The following BBS9 variants were observed in gnomAD, a reference collection of about 807,000 sequenced individuals.
BBS9 encodes the protein Bardet-Biedl syndrome 9.
In BBS9, 89 loss-of-function variants were observed where a neutral mutation model predicts 117.7. The observed-to-expected ratio is 0.76, with a 90% CI of 0.64 to 0.90. The LOEUF (loss-of-function observed/expected upper bound fraction) is 0.90, where lower values mean the gene tolerates loss of function less well. Among genes scored for constraint, BBS9 ranks in the 40% least tolerant of loss-of-function variants. The probability of loss-of-function intolerance (pLI) is 0.00; values close to 1 mark genes in which losing one functional copy is unlikely to be tolerated. For synonymous variants in BBS9, 379 were observed against 370.9 expected (o/e 1.02, Z -0.25); for missense variants, 982 against 1,042.2 (o/e 0.94, Z 0.80).
chr7:33,268,430 C>T (rs1799183195), intron 7 of BBS9, among the ~76,000 whole-genome samples: 1 of 152,198 alleles, frequency 6.6e-6, no homozygotes, highest in South Asian at 2.1e-4. Flanking sequence ...TTCTTCTTCC[C>T]TGCACTATGG....
chr7:33,246,774 G>C (rs1795399860), intron 5 of BBS9, among the ~76,000 whole-genome samples: 1 of 152,006 alleles, frequency 6.6e-6, no homozygotes, highest in African/African-American at 2.4e-5. Flanking sequence ...TGGGGTGGGG[G>C]AAGGGAGAGA....
At chr7:33,431,625 G>A (rs1257720422) in intron 19 of BBS9, among the ~76,000 whole-genome samples, 1 of 152,174 alleles carries the variant, frequency 6.6e-6, no homozygotes, top group East Asian at 1.9e-4. Context: ...ACTAGAAATA[G>A]GGCTGTCATC....
In BBS9 at chr7:33,406,091, C is replaced by T. The variant is rs561520038; in HGVS notation, c.2115+17947C>T. 7.0e-4 allele frequency among the ~76,000 whole-genome samples: 107 copies of T among 152,178 alleles called. 1 individual carries two copies. The South Asian group carries it at 0.016, about 23-fold the overall frequency. ...AAGAACTTTATTTCTGCCTTCATTT[C>T]GTTATGTACCCAGTAGTCATTCAGG... On this transcript the variant is annotated intron_variant, in intron 19 of 22. Coordinates refer to ENST00000242067, the MANE Select transcript of BBS9 (RefSeq NM_198428.3).
Position 33,177,475 on chromosome 7 carries a change from T to TTTTTTA in BBS9, c.329-3_329-2insTTTTTA. ...AAAGTAATCCTTTTTTTTTTTTCCT[T>TTTTTTA]AGGAACCTTGGGTAATGTGGAACAT... is the stretch of plus-strand genomic sequence containing the variant. On this transcript the variant is annotated splice_polypyrimidine_tract_variant and splice_region_variant and intron_variant, in intron 4 of 22. Transcript: ENST00000242067. 1.3e-6 allele frequency: 2 copies of TTTTTTA among 1,596,952 alleles called. No individual in the cohort carries two copies. The highest frequency in any genetic ancestry group is 1.7e-6 in the Non-Finnish European group (2 of 1,166,196).
intron 9 of BBS9, among the ~76,000 whole-genome samples, chr7:33,303,401 T>C (rs1806917254): frequency 6.6e-6 from 1 of 152,186 alleles, no homozygotes; most frequent in Non-Finnish European, 1.5e-5. Context: ...GGGTCTGTCA[T>C]ATATGGCTTT....
rs556626806 is a variant in BBS9 at position 33,542,056 on chromosome 7, G to T, written c.2521+7880G>T. On this transcript the variant is annotated intron_variant, in intron 21 of 22. Transcript: ENST00000242067. ...TTTATTTATATTTCTGTAAGTTATT[G>T]GGGTACAGGTGGTATTTGGTAACAT... Among the ~76,000 whole-genome samples the T allele has an allele frequency of 1.3e-4, 20 of 151,892 alleles. No homozygotes were observed. The South Asian group carries it at 4.0e-3, about 30-fold the overall frequency.
chr7:33,346,077 T>G (rs755824722), intron 12 of BBS9: 5 of 291,650 alleles, frequency 1.7e-5, no homozygotes, highest in Non-Finnish European at 3.4e-5. Flanking sequence ...TCATTGCCAT[T>G]ATAAAAGCAT....
intron 6 of BBS9, among the ~76,000 whole-genome samples, chr7:33,259,828 T>A (rs1182641290): frequency 6.6e-6 from 1 of 152,120 alleles, no homozygotes; most frequent in Non-Finnish European, 1.5e-5. Context: ...ATACTTTCTC[T>A]TATTCAGCCT....
At chr7:33,401,748 A>G (rs1029974569) in intron 19 of BBS9, among the ~76,000 whole-genome samples, 3 of 152,204 alleles carry the variant, frequency 2.0e-5, no homozygotes, top group Admixed American at 6.5e-5. Context: ...CAGAGAACAG[A>G]CTGCAAATGT....
At chr7:33,153,401 A>ATGTC in intron 3 of BBS9, among the ~76,000 whole-genome samples, 1 of 152,304 alleles carries the variant, frequency 6.6e-6, no homozygotes, top group East Asian at 1.9e-4. Flanking sequence ...TTTGGGTAAT[A>ATGTC]TGTCTGCTTT....
chr7:33,243,835 T>G (rs1009312881), intron 5 of BBS9, among the ~76,000 whole-genome samples: 1 of 152,218 alleles, frequency 6.6e-6, no homozygotes, highest in Admixed American at 6.5e-5. Context: ...GTTAGAGGAC[T>G]ACACTTAGTG....
At chr7:33,351,449 A>G (rs1262583914) in intron 14 of BBS9, 126 bp downstream of exon 14, 1 of 754,870 alleles carries the variant, frequency 1.3e-6, no homozygotes. Flanking sequence ...TCTACTGTTA[A>G]GTAAAATCAT....
chr7:33,508,403 G>T (rs574438378), intron 20 of BBS9, among the ~76,000 whole-genome samples: 1 of 152,198 alleles, frequency 6.6e-6, no homozygotes, highest in South Asian at 2.1e-4. Flanking sequence ...AATATGTCTG[G>T]TTCTCATGGA....
At chr7:33,378,219 G>A (rs927548833) in intron 17 of BBS9, among the ~76,000 whole-genome samples, 1 of 152,214 alleles carries the variant, frequency 6.6e-6, no homozygotes, top group East Asian at 1.9e-4. Context: ...TGTTTCATAT[G>A]TTATTCACTT....
intron 19 of BBS9, among the ~76,000 whole-genome samples, chr7:33,504,126 T>C (rs547008072): frequency 2.0e-4 from 30 of 152,306 alleles, no homozygotes; most frequent in Admixed American, 5.2e-4. Context: ...TTGAATGTAA[T>C]TGGGGAGTAG....
At chr7:33,256,911 A>G (rs748365433) in intron 5 of BBS9, among the ~76,000 whole-genome samples, 2 of 152,088 alleles carry the variant, frequency 1.3e-5, no homozygotes, top group Non-Finnish European at 2.9e-5. Flanking sequence ...TCAGTTTTCT[A>G]TGATAAACTG....
chr7:33,505,682 A>G (rs774405108), intron 20 of BBS9, 37 bp downstream of exon 20: 14 of 1,606,962 alleles, frequency 8.7e-6, no homozygotes, highest in Admixed American at 1.7e-5. Context: ...AACAGCCAGC[A>G]TTATTGAAGT....
intron 16 of BBS9, among the ~76,000 whole-genome samples, chr7:33,359,216 A>G (rs1820178712): frequency 6.6e-6 from 1 of 152,008 alleles, no homozygotes; most frequent in Non-Finnish European, 1.5e-5. Context: ...CCTTAGGAAC[A>G]TAGTTGGAAA....
intron 4 of BBS9, among the ~76,000 whole-genome samples, chr7:33,156,284 T>G (rs1163729996): frequency 2.0e-5 from 3 of 152,178 alleles, no homozygotes; most frequent in African/African-American, 7.2e-5. Context: ...CTTTATTAAA[T>G]GTAAGATATA....
Sources: allele counts gnomAD v4.1 joint callset (sites outside exome capture counted in the v4.1 genomes callset), GRCh38; gene constraint gnomAD v4.1.1; transcripts MANE v1.5; gene names NCBI Gene and HGNC (gene_info 2026-07-23, HGNC 2026-07-21).